Variants in RNF157 observed in about 807,000 individuals in gnomAD.
The protein encoded by RNF157 is ring finger protein 157.
Under a neutral mutation model 88.3 loss-of-function variants are expected in RNF157, and 55 were observed. That is an observed-to-expected ratio of 0.62 (90% CI 0.50 to 0.78). RNF157 has a LOEUF of 0.78. RNF157 is among the 30% of genes least tolerant of loss of function. The pLI, the probability that RNF157 is intolerant of heterozygous loss-of-function variation, is 0.00. For missense variants in RNF157, 788 were observed against 860.8 expected, an observed-to-expected ratio of 0.92 and a Z score of 1.06; for synonymous variants, 334 against 341.2, an observed-to-expected ratio of 0.98 and a Z score of 0.23.
intron 2 of RNF157, among the ~76,000 whole-genome samples, chr17:76,194,392 T>C (rs1598419997): frequency 6.6e-6 from 1 of 152,178 alleles, no homozygotes; most frequent in Admixed American, 6.5e-5. Flanking sequence ...TAGGAGACTT[T>C]CAAATACATC....
At chr17:76,156,627 G>A (rs2068769412) in intron 13 of RNF157, 1 of 634,046 alleles carries the variant, frequency 1.6e-6, no homozygotes, top group Non-Finnish European at 2.0e-6. Flanking sequence ...GTGACATGGG[G>A]ACACCCCAGG....
At chr17:76,154,412 C>T in intron 16 of RNF157, 84 bp from the exon 17 acceptor site, 1 of 888,978 alleles carries the variant, frequency 1.1e-6, no homozygotes, top group South Asian at 1.3e-5. Context: ...AATCATCCTA[C>T]TGGTATCTAA....
At chr17:76,206,163 C>T (rs1311039321) in intron 2 of RNF157, among the ~76,000 whole-genome samples, 2 of 151,740 alleles carry the variant, frequency 1.3e-5, no homozygotes, top group Admixed American at 6.6e-5. Context: ...CCTAGGAAGT[C>T]GAGGCTGCAG....
chr17:76,165,465 T>TA, intron 7 of RNF157, 37 bp downstream of exon 7: 1 of 1,610,366 alleles, frequency 6.2e-7, no homozygotes, highest in Non-Finnish European at 8.5e-7. Flanking sequence ...AAGAAAGGGC[T>TA]AAAGGCAATA....
At chr17:76,155,403 C>A in intron 15 of RNF157, 86 bp from the exon 16 acceptor site, 1 of 1,487,768 alleles carries the variant, frequency 6.7e-7, no homozygotes, top group South Asian at 1.1e-5. Flanking sequence ...AAATTGGTGT[C>A]AAATAGGAGG....
At chr17:76,179,380 T>G (rs1239168522) in intron 2 of RNF157, among the ~76,000 whole-genome samples, 4 of 145,552 alleles carry the variant, frequency 2.7e-5, no homozygotes, top group African/African-American at 7.7e-5. Context: ...GGGGAGAGAG[T>G]GAGACCATCC....
At chr17:76,219,509 A>G (rs189394949) in intron 1 of RNF157, among the ~76,000 whole-genome samples, 221 of 152,240 alleles carry the variant, frequency 1.5e-3, no homozygotes, top group Non-Finnish European at 2.7e-3. Flanking sequence ...ATAATCTTAA[A>G]GTGATTATCT....
intron 2 of RNF157, among the ~76,000 whole-genome samples, chr17:76,203,337 A>C (rs2069619206): frequency 6.6e-6 from 1 of 152,120 alleles, no homozygotes; most frequent in Non-Finnish European, 1.5e-5. Flanking sequence ...AATTTTATAG[A>C]TGGGGAAATT....
intron 1 of RNF157, among the ~76,000 whole-genome samples, chr17:76,221,294 C>T (rs1375532392): frequency 1.3e-5 from 2 of 152,104 alleles, no homozygotes; most frequent in Non-Finnish European, 1.5e-5. Context: ...ACAGCAAATA[C>T]AACAAAGTAG....
chr17:76,227,120 T>G lies in RNF157; in HGVS notation c.88+13033A>C, dbSNP rs550774505. Among the ~76,000 whole-genome samples, 711 of 150,992 alleles carry G rather than the reference T, an allele frequency of 4.7e-3. 1 individual carries two copies. The highest frequency in any genetic ancestry group is 7.8e-3 in the Non-Finnish European group (530 of 67,584). On this transcript the variant is annotated intron_variant, in intron 1 of 18. Coordinates refer to ENST00000269391, the MANE Select transcript of RNF157 (RefSeq NM_052916.3). ...AATATTAATAACCTCTTTTTTTGTTTTTTTTTTTTTTTGAGACGGGAGTCT... is the reference window on the plus strand; with the variant it reads ...AATATTAATAACCTCTTTTTTTGTTGTTTTTTTTTTTTGAGACGGGAGTCT...
intron 13 of RNF157, chr17:76,156,530 T>C: frequency 1.0e-6 from 1 of 985,330 alleles, no homozygotes; most frequent in Non-Finnish European, 1.2e-6. Context: ...AGGCGCACAC[T>C]TCAGTCAACA....
chr17:76,194,823 G>A (rs935913516), intron 2 of RNF157, among the ~76,000 whole-genome samples: 21 of 152,234 alleles, frequency 1.4e-4, no homozygotes, highest in Middle Eastern at 6.8e-3. Context: ...AGACCATCCT[G>A]GCTAACATGG....
intron 11 of RNF157, among the ~76,000 whole-genome samples, 167 bp from the exon 12 acceptor site, chr17:76,159,740 C>A (rs968684680): frequency 5.3e-5 from 8 of 152,146 alleles, no homozygotes; most frequent in African/African-American, 1.9e-4. Flanking sequence ...GAATCACACA[C>A]TGTAGATCCT....
Position 76,155,639 on chromosome 17 carries a change from C to T in RNF157, c.1621G>A (p.Ala541Thr), listed in dbSNP as rs201646108. 353 of 1,613,864 alleles carry T rather than the reference C, an allele frequency of 2.2e-4. No homozygotes were observed. Among genetic ancestry groups the T allele is most frequent in the Non-Finnish European group, 2.7e-4 (315 of 1,179,958 alleles). Residue 541 changes from alanine (A) to threonine (T), a missense_variant, in exon 15 of 19, where the codon GCC becomes ACC. Coordinates refer to ENST00000269391, the MANE Select transcript of RNF157 (RefSeq NM_052916.3). The stretch of plus-strand genomic sequence containing the variant: ...TCTCCCTCCTCTTCAGTGCCAGGGG[C>T]GATGTAGGAGCCAGACATGGAGGAG... ...TVSSMSGSYI[A>T]PGTEEEGEAL... is the part of the protein sequence containing the mutation.
intron 1 of RNF157, among the ~76,000 whole-genome samples, chr17:76,232,062 G>C (rs754133622): frequency 6.6e-6 from 1 of 152,066 alleles, no homozygotes; most frequent in Non-Finnish European, 1.5e-5. Flanking sequence ...ATGTTGTATA[G>C]CATGTATCAG....
chr17:76,226,903 T>C (rs2070098534), intron 1 of RNF157: 7 of 1,036,834 alleles, frequency 6.8e-6, no homozygotes, highest in Non-Finnish European at 9.9e-6. Context: ...GGAAGCGCCA[T>C]GGCTTAAGCC....
In RNF157 at chr17:76,158,412, G is replaced by A. The variant is rs760632309; in HGVS notation, c.1394C>T (p.Ser465Leu). 8.1e-5 allele frequency: 130 copies of A among 1,612,396 alleles called. No homozygotes were observed. Among genetic ancestry groups the A allele is most frequent in the Middle Eastern group, 1.6e-4 (1 of 6,080 alleles). ...AATTACCTCTCCGAGATGCTGAACC[G>A]ACGGTCTCTGAGAGAGCTGTGTCTC... is the stretch of plus-strand genomic sequence containing the variant. ...ESETQLSQRP[S>L]VQHLGEECGV... The change falls in exon 13 of 19, where the codon TCG (serine) becomes TTG (leucine). Residue 465 changes from serine to leucine, a missense_variant. Coordinates refer to ENST00000269391, the MANE Select transcript of RNF157 (RefSeq NM_052916.3).
intron 18 of RNF157, among the ~76,000 whole-genome samples, chr17:76,151,098 AGGAGGCTGGCCCCGT>A (rs1273364499): frequency 3.9e-5 from 6 of 152,248 alleles, no homozygotes; most frequent in African/African-American, 1.4e-4. Context: ...CCTAACTGGC[AGGAGGCTGGCCCCGT>A]GGTCAACGCT....
intron 1 of RNF157, among the ~76,000 whole-genome samples, chr17:76,233,031 C>T (rs1036886742): frequency 6.6e-6 from 1 of 152,124 alleles, no homozygotes; most frequent in African/African-American, 2.4e-5. Context: ...AGTGATTCTC[C>T]TGTCTCAGCC....
Sources: gnomAD v4.1 joint callset for allele counts (sites outside exome capture counted in the v4.1 genomes callset) on GRCh38, gnomAD v4.1.1 for gene constraint, MANE v1.5 for transcripts, NCBI Gene and HGNC (gene_info 2026-07-23, HGNC 2026-07-21) for gene names.